NDST4: variants seen among roughly 807,000 people sequenced by gnomAD.
The protein encoded by NDST4 is N-deacetylase and N-sulfotransferase 4.
In NDST4, 63 loss-of-function variants were observed where a neutral mutation model predicts 100.8. That is an observed-to-expected ratio of 0.62 (90% CI 0.51 to 0.77). The LOEUF is 0.77. NDST4 is among the 30% of genes least tolerant of loss of function. NDST4 has a pLI of 0.00. For missense variants in NDST4, 943 were observed against 1,018.4 expected, an observed-to-expected ratio of 0.93 and a Z score of 1.01; for synonymous variants, 377 against 361.8, an observed-to-expected ratio of 1.04 and a Z score of -0.48.
At chr4:115,102,587 G>A (rs1004093265) in intron 1 of NDST4, among the ~76,000 whole-genome samples, 9 of 151,578 alleles carry the variant, frequency 5.9e-5, no homozygotes, top group Admixed American at 5.3e-4. Flanking sequence ...CTGAATTTAG[G>A]TAAGCAGTCA....
intron 6 of NDST4, among the ~76,000 whole-genome samples, chr4:114,891,387 A>G (rs985187223): frequency 6.6e-6 from 1 of 152,060 alleles, no homozygotes; most frequent in African/African-American, 2.4e-5. Flanking sequence ...CTCTGACTGA[A>G]TATCTTTAGA....
intron 2 of NDST4, among the ~76,000 whole-genome samples, chr4:114,980,535 G>A (rs915309761): frequency 8.5e-5 from 13 of 152,204 alleles, no homozygotes; most frequent in Admixed American, 3.9e-4. Context: ...CCAGCTGCTC[G>A]GGAGGCTGAG....
Position 115,008,345 on chromosome 4 carries a change from G to C in NDST4, c.979-31071C>G, listed in dbSNP as rs186890050. The stretch of plus-strand genomic sequence containing the variant: ...CATGATTTTGCAGTGGCTGGTACCA[G>C]TTGTTCCTTTCCATGTTTAGCTTCA... On this transcript the variant is annotated intron_variant, in intron 2 of 13. Coordinates refer to ENST00000264363, the MANE Select transcript of NDST4 (RefSeq NM_022569.3). 5.4e-5 allele frequency among the ~76,000 whole-genome samples: 7 copies of C among 129,224 alleles called. 2 individuals are homozygous for C. The highest frequency in any genetic ancestry group is 1.2e-4 in the Non-Finnish European group (7 of 60,346). 84.8% of individuals were successfully genotyped at this position (129,224 alleles called of 152,430 possible). A position where few individuals can be genotyped will look rare whatever the true frequency, so the allele number is the denominator to read the frequency against.
intron 11 of NDST4, among the ~76,000 whole-genome samples, chr4:114,837,313 C>T (rs113179322): frequency 0.02 from 3,033 of 151,838 alleles, 116 homozygotes; most frequent in African/African-American, 0.07. Context: ...TGTGGGGGTA[C>T]TTTATGTTGA....
chr4:114,909,669 C>CAAAAA (rs773267929), intron 6 of NDST4, among the ~76,000 whole-genome samples: 8 of 61,574 alleles, frequency 1.3e-4, no homozygotes, highest in Non-Finnish European at 1.6e-4. Flanking sequence ...GACTCCGTCT[C>CAAAAA]AAAAAAAAAA....
At chr4:115,108,321 T>C (rs929691687) in intron 1 of NDST4, among the ~76,000 whole-genome samples, 3 of 152,130 alleles carry the variant, frequency 2.0e-5, no homozygotes, top group South Asian at 2.1e-4. Flanking sequence ...AAGAACTCTT[T>C]TGAGGTGTCT....
chr4:114,921,013 C>T (rs1431144146), intron 6 of NDST4, among the ~76,000 whole-genome samples: 1 of 152,114 alleles, frequency 6.6e-6, no homozygotes, highest in Non-Finnish European at 1.5e-5. Context: ...ACAGAGGTTG[C>T]CATAATTCTA....
At chr4:114,959,847 G>A (rs1325909692) in intron 4 of NDST4, among the ~76,000 whole-genome samples, 1 of 151,904 alleles carries the variant, frequency 6.6e-6, no homozygotes, top group African/African-American at 2.4e-5. Context: ...AAGAGTGAAG[G>A]GAGAAAAAGA....
chr4:114,981,492 C>T (rs1167685263), intron 2 of NDST4, among the ~76,000 whole-genome samples: 3 of 152,150 alleles, frequency 2.0e-5, no homozygotes, highest in Middle Eastern at 3.4e-3. Flanking sequence ...TAATAAACGT[C>T]GAGCAATTAT....
At chr4:115,057,531 A>T (rs528229363) in intron 2 of NDST4, among the ~76,000 whole-genome samples, 17 of 152,286 alleles carry the variant, frequency 1.1e-4, no homozygotes, top group Admixed American at 1.1e-3. Flanking sequence ...TACTATTGGC[A>T]GACATCAGAC....
Position 115,038,163 on chromosome 4 carries a change from C to T in NDST4, c.978+37896G>A, listed in dbSNP as rs191175865. ...AATGGGGTTTTCAATTATCTTTTTA[C>T]GAGGAAGTAAGAAACTATAAACAGG... is the stretch of plus-strand genomic sequence containing the variant. On this transcript the variant is annotated intron_variant, in intron 2 of 13. Transcript: ENST00000264363. 7.9e-4 allele frequency among the ~76,000 whole-genome samples: 120 copies of T among 152,098 alleles called. 1 individual carries two copies. The Middle Eastern group carries it at 0.01, about 13-fold the overall frequency.
chr4:115,015,813 AAGGCCTACCTGGTTATGG>A, intron 2 of NDST4, among the ~76,000 whole-genome samples: 1 of 152,138 alleles, frequency 6.6e-6, no homozygotes, highest in South Asian at 2.1e-4. Flanking sequence ...CCTACTTACG[AAGGCCTACCTGGTTATGG>A]CCACCACTGA....
Position 115,045,880 on chromosome 4 carries a change from G to A in NDST4, c.978+30179C>T, listed in dbSNP as rs112131466. Among the ~76,000 whole-genome samples, 1,416 of 152,208 alleles carry A rather than the reference G, an allele frequency of 9.3e-3. 32 individuals carry two copies. Among genetic ancestry groups the A allele is most frequent in the African/African-American group, 0.032 (1,332 of 41,546 alleles). On this transcript the variant is annotated intron_variant, in intron 2 of 13. Coordinates refer to ENST00000264363, the MANE Select transcript of NDST4 (RefSeq NM_022569.3). ...TCCATGAGCAATGAACTACACATTG[G>A]GGTGACTACTAATTCTTGAAATGGC...
At chr4:114,835,340 G>T (rs1181506337) in intron 11 of NDST4, among the ~76,000 whole-genome samples, 1 of 152,152 alleles carries the variant, frequency 6.6e-6, no homozygotes, top group African/African-American at 2.4e-5. Flanking sequence ...TTATTTCAAA[G>T]AACTTCTTTA....
intron 1 of NDST4, among the ~76,000 whole-genome samples, chr4:115,108,840 C>A (rs1296116444): frequency 1.3e-5 from 2 of 151,812 alleles, no homozygotes; most frequent in Non-Finnish European, 2.9e-5. Flanking sequence ...TGTGTTCAAA[C>A]CAGGTTATTA....
chr4:114,998,776 G>A (rs1426714363), intron 2 of NDST4, among the ~76,000 whole-genome samples: 2 of 152,020 alleles, frequency 1.3e-5, no homozygotes, highest in Non-Finnish European at 2.9e-5. Flanking sequence ...TTCATGGTAT[G>A]TTATATTTTT....
intron 2 of NDST4, among the ~76,000 whole-genome samples, chr4:114,998,037 T>C (rs1021949787): frequency 3.9e-5 from 6 of 152,094 alleles, no homozygotes; most frequent in African/African-American, 1.4e-4. Flanking sequence ...TGATGACAAC[T>C]TCTAAGTAGT....
intron 4 of NDST4, among the ~76,000 whole-genome samples, chr4:114,965,931 A>G (rs1461848713): frequency 2.0e-5 from 3 of 151,942 alleles, no homozygotes; most frequent in African/African-American, 7.2e-5. Context: ...AGTTCTCTTT[A>G]GCCTTCATTC....
rs536970353 is a variant in NDST4, at chr4:115,105,595, T to C, written c.-247+7849A>G. The stretch of plus-strand genomic sequence containing the variant: ...CTAAAACCTTTGTCCATACTTCTTA[T>C]AGTGCGACAACAAAAAACAACAAGA... On this transcript the variant is annotated intron_variant, in intron 1 of 13. Transcript: ENST00000264363. 3.9e-5 allele frequency among the ~76,000 whole-genome samples: 6 copies of C among 152,246 alleles called. No homozygotes were observed. The East Asian group carries it at 9.7e-4, about 25-fold the overall frequency.
Sources: gnomAD v4.1 joint callset for allele counts (sites outside exome capture counted in the v4.1 genomes callset) on GRCh38, gnomAD v4.1.1 for gene constraint, MANE v1.5 for transcripts, NCBI Gene and HGNC (gene_info 2026-07-23, HGNC 2026-07-21) for gene names.